Variants in PLPPR5 observed in about 807,000 individuals in gnomAD.
PLPPR5 encodes the protein phospholipid phosphatase-related protein type 5.
PLPPR5 carries 16 observed loss-of-function variants against 33.9 expected under a neutral mutation model. The observed-to-expected ratio is 0.47, with a 90% CI of 0.32 to 0.72. The LOEUF (loss-of-function observed/expected upper bound fraction) is 0.72. Ranked by LOEUF, PLPPR5 falls within the 30% of genes least tolerant of loss-of-function variation. The pLI is 0.03. For synonymous variants in PLPPR5, 163 were observed against 150.3 expected (o/e 1.08, Z -0.62); for missense variants, 301 against 406.7 (o/e 0.74, Z 2.23).
Position 98,921,939 on chromosome 1 carries a change from A to T in PLPPR5, c.741T>A (p.Asn247Lys). The T allele has an allele frequency of 6.2e-7, 1 of 1,614,044 alleles. No individual in the cohort carries two copies. Among genetic ancestry groups the T allele is most frequent in the Non-Finnish European group, 8.5e-7 (1 of 1,179,954 alleles). ...AGCCTGCTATAACATCTGACCAATGATTTCGATATTCTGCTACTCTGTTGA... is the reference window on the plus strand; with the variant it reads ...AGCCTGCTATAACATCTGACCAATGTTTTCGATATTCTGCTACTCTGTTGA... Reference protein sequence around the residue: ...TGLNRVAEYRNHWSDVIAGFL... With the variant: ...TGLNRVAEYRKHWSDVIAGFL... Residue 247 changes from asparagine (N) to lysine (K), a missense_variant, in exon 4 of 6, where the codon AAT (asparagine) becomes AAA (lysine). Asn to Lys is a moderately conservative substitution (Grantham distance 94, BLOSUM62 0). Transcript: ENST00000263177.
rs1473647293 is a variant in PLPPR5, at chr1:98,893,023, G to A, written c.*49C>T. ...CAAACTTTGGGTGTTATGAATGGAT[G>A]GTAAAAAGGGATGATGTCCAATGCA... On this transcript the variant is annotated 3_prime_UTR_variant, in exon 6 of 6. Coordinates refer to ENST00000263177, the MANE Select transcript of PLPPR5 (RefSeq NM_001037317.2). The A allele has an allele frequency of 6.3e-7, 1 of 1,581,940 alleles. No individual in the cohort carries two copies.
chr1:98,894,669 A>T (rs755564882), intron 5 of PLPPR5, among the ~76,000 whole-genome samples: 20 of 152,088 alleles, frequency 1.3e-4, no homozygotes, highest in Non-Finnish European at 2.5e-4. Flanking sequence ...AATAACATGG[A>T]TGGTGTCCCA....
chr1:98,922,545 A>G (rs1052677840), intron 3 of PLPPR5, among the ~76,000 whole-genome samples: 2 of 152,228 alleles, frequency 1.3e-5, no homozygotes, highest in Non-Finnish European at 2.9e-5. Flanking sequence ...GAAAAAATAA[A>G]GTGGAATAGA....
In PLPPR5 at chr1:98,891,859, T is replaced by A. The variant is rs562500987; in HGVS notation, c.*1213A>T. ...AAAGGCCTCAGTGTCCAAAATGAGATGACAGCTGTGCTATATTAGAAAGGA... is the reference window on the plus strand; with the variant it reads ...AAAGGCCTCAGTGTCCAAAATGAGAAGACAGCTGTGCTATATTAGAAAGGA... On this transcript the variant is annotated 3_prime_UTR_variant, in exon 6 of 6. Coordinates refer to ENST00000263177, the MANE Select transcript of PLPPR5 (RefSeq NM_001037317.2). The A allele has an allele frequency of 1.3e-5, 2 of 152,054 alleles. No homozygotes were observed. Among genetic ancestry groups the A allele is most frequent in the South Asian group, 2.1e-4 (1 of 4,828 alleles). The allele number at this position is 152,054 out of a possible 1,614,324, so 9.4% of individuals were successfully genotyped here.
rs1235079878 is a variant in PLPPR5, at chr1:98,892,380, AT to A, written c.*691del. On this transcript the variant is annotated 3_prime_UTR_variant, in exon 6 of 6. Coordinates refer to ENST00000263177, the MANE Select transcript of PLPPR5 (RefSeq NM_001037317.2). The stretch of plus-strand genomic sequence containing the variant: ...TCAGGAGAAGAAGTCCAAATAAATA[AT>A]TTTTAATTATGATACATTACTTATT... 5.9e-5 allele frequency: 9 copies of A among 152,606 alleles called. No individual in the cohort carries two copies. Among genetic ancestry groups the A allele is most frequent in the Admixed American group, 3.3e-4 (5 of 15,252 alleles). The allele number at this position is 152,606 out of a possible 1,614,324, so 9.5% of individuals were successfully genotyped here. A position where few individuals can be genotyped will look rare whatever the true frequency, so the allele number is the denominator to read the frequency against.
chr1:98,978,005 A>G (rs918553220), intron 1 of PLPPR5, among the ~76,000 whole-genome samples: 6 of 152,042 alleles, frequency 3.9e-5, no homozygotes, highest in African/African-American at 1.2e-4. Flanking sequence ...TGAAATAATC[A>G]TGAATGTGAC....
chr1:98,902,136 T>C (rs140927192), intron 5 of PLPPR5, among the ~76,000 whole-genome samples: 7 of 152,178 alleles, frequency 4.6e-5, no homozygotes, highest in African/African-American at 1.4e-4. Flanking sequence ...CACACTCAAA[T>C]GACTTCACAT....
rs549329938 is a variant in PLPPR5 at position 98,976,216 on chromosome 1, A to G, written c.238-19475T>C. On this transcript the variant is annotated intron_variant, in intron 1 of 5. Coordinates refer to ENST00000263177, the MANE Select transcript of PLPPR5 (RefSeq NM_001037317.2). The stretch of plus-strand genomic sequence containing the variant: ...GGAGTTGGGGAGAGAATCCACACAT[A>G]GTAATGAATCTTTTCCTCTCACAGT... Among the ~76,000 whole-genome samples the G allele has an allele frequency of 2.0e-5, 3 of 151,904 alleles. No individual in the cohort carries two copies. The South Asian group carries it at 6.2e-4, about 31-fold the overall frequency.
At chr1:98,898,053 A>G (rs1276150622) in intron 5 of PLPPR5, among the ~76,000 whole-genome samples, 1 of 152,140 alleles carries the variant, frequency 6.6e-6, no homozygotes, top group Non-Finnish European at 1.5e-5. Flanking sequence ...TATTCTACCG[A>G]TCTTCAATGC....
At chr1:98,959,695 C>A (rs1651155625) in intron 1 of PLPPR5, among the ~76,000 whole-genome samples, 1 of 152,156 alleles carries the variant, frequency 6.6e-6, no homozygotes, top group African/African-American at 2.4e-5. Context: ...AATTTGTCAG[C>A]TCGGTCCAAG....
chr1:98,989,783 C>T (rs1455395007), intron 1 of PLPPR5, among the ~76,000 whole-genome samples: 1 of 152,182 alleles, frequency 6.6e-6, no homozygotes, highest in Non-Finnish European at 1.5e-5. Flanking sequence ...AGAGAAGTGA[C>T]TGTGAAATAA....
chr1:98,893,618 C>CTTT lies in PLPPR5; in HGVS notation c.934-517_934-515dup, dbSNP rs58092144. ...TCTACCACAGAATTCTTCACAGCGC[C>CTTT]TTTTTTTTTTTTTTTTTTTTTTGGG... On this transcript the variant is annotated intron_variant, in intron 5 of 5. Coordinates refer to ENST00000263177, the MANE Select transcript of PLPPR5 (RefSeq NM_001037317.2). 3.7e-3 allele frequency among the ~76,000 whole-genome samples: 336 copies of CTTT among 89,984 alleles called. 11 individuals carry two copies. Among genetic ancestry groups the CTTT allele is most frequent in the Middle Eastern group, 7.6e-3 (1 of 132 alleles). The allele number at this position is 89,984 out of a possible 152,430, so 59.0% of individuals were successfully genotyped here.
intron 3 of PLPPR5, among the ~76,000 whole-genome samples, chr1:98,938,321 G>A (rs1490213796): frequency 1.3e-5 from 2 of 151,072 alleles, no homozygotes; most frequent in Non-Finnish European, 1.5e-5. Flanking sequence ...TTTTATTTGG[G>A]AGGCTGAAGT....
chr1:99,004,854 G>C lies in PLPPR5; in HGVS notation c.-183C>G, dbSNP rs1369029878. On this transcript the variant is annotated 5_prime_UTR_variant, in exon 1 of 6. Coordinates refer to ENST00000263177, the MANE Select transcript of PLPPR5 (RefSeq NM_001037317.2). ...AGGCAGGTCCGGGCTTCGAGGCGCC[G>C]GCAGGCTGCAGAGGAGGCGGCTACC... 1.1e-5 allele frequency: 3 copies of C among 263,618 alleles called. No homozygotes were observed. Among genetic ancestry groups the C allele is most frequent in the Non-Finnish European group, 2.1e-5 (3 of 145,458 alleles). The allele number at this position is 263,618 out of a possible 1,614,324, so 16.3% of individuals were successfully genotyped here. A position where few individuals can be genotyped will look rare whatever the true frequency, so the allele number is the denominator to read the frequency against.
intron 5 of PLPPR5, among the ~76,000 whole-genome samples, chr1:98,902,028 T>G (rs2219966): frequency 1 from 151,625 of 152,196 alleles, 75,530 homozygotes; most frequent in Middle Eastern, 1. Flanking sequence ...AAAATGGAAA[T>G]TAAGGATTCA....
chr1:98,894,388 A>G (rs1481501), intron 5 of PLPPR5, among the ~76,000 whole-genome samples: 85,382 of 151,856 alleles, frequency 0.56, 24,723 homozygotes, highest in East Asian at 0.74. Flanking sequence ...TGATTGAATT[A>G]AAACAATAAG....
chr1:99,002,655 G>A (rs1403380180), intron 1 of PLPPR5, among the ~76,000 whole-genome samples: 1 of 152,118 alleles, frequency 6.6e-6, no homozygotes, highest in Admixed American at 6.5e-5. Context: ...CTCCTAAGTG[G>A]AGAATCATCC....
intron 1 of PLPPR5, among the ~76,000 whole-genome samples, chr1:99,001,031 T>C (rs1557699118): frequency 6.6e-6 from 1 of 152,192 alleles, no homozygotes; most frequent in Non-Finnish European, 1.5e-5. Context: ...CATTTACATA[T>C]TGTAACTAAT....
intron 5 of PLPPR5, among the ~76,000 whole-genome samples, chr1:98,910,617 C>G (rs1257613608): frequency 6.6e-6 from 1 of 152,094 alleles, no homozygotes; most frequent in Admixed American, 6.6e-5. Context: ...TAATTATCTG[C>G]CCAATTATTT....
Sources: allele counts gnomAD v4.1 joint callset (sites outside exome capture counted in the v4.1 genomes callset), GRCh38; gene constraint gnomAD v4.1.1; transcripts MANE v1.5; gene names NCBI Gene and HGNC (gene_info 2026-07-23, HGNC 2026-07-21).